The following MYLK variants were observed in gnomAD, a reference collection of about 807,000 sequenced individuals.
MYLK encodes myosin light chain kinase, smooth muscle.
In MYLK, 106 loss-of-function variants were observed where a neutral mutation model predicts 203.4. The ratio of observed to expected loss-of-function variants is 0.52; its 90% CI spans 0.45 to 0.61. The LOEUF (loss-of-function observed/expected upper bound fraction) is 0.61, where lower values mean the gene tolerates loss of function less well. Ranked by LOEUF, MYLK falls within the 20% of genes least tolerant of loss-of-function variation. The pLI is 0.00. For missense variants in MYLK, 2,072 were observed against 2,442.3 expected (o/e 0.85, Z 3.20); for synonymous variants, 867 against 959.5 (o/e 0.90, Z 1.78).
chr3:123,637,993 C>T lies in MYLK; in HGVS notation c.4961+78G>A, dbSNP rs192757168. On this transcript the variant is annotated intron_variant, in intron 29 of 33. Transcript: ENST00000360304. ...TGACAATGGCAGGGCAGCCTGGGGACCCTCCTGTGGAACCCTCAGCCCCCA... is the reference window on the plus strand; with the variant it reads ...TGACAATGGCAGGGCAGCCTGGGGATCCTCCTGTGGAACCCTCAGCCCCCA... 14 of 1,601,284 alleles carry T rather than the reference C, an allele frequency of 8.7e-6. No individual in the cohort carries two copies. The Admixed American group carries it at 2.0e-4, about 23-fold the overall frequency.
At chr3:123,678,884 C>A (rs1206834230) in intron 20 of MYLK, among the ~76,000 whole-genome samples, 4 of 152,036 alleles carry the variant, frequency 2.6e-5, no homozygotes, top group Non-Finnish European at 5.9e-5. Context: ...TGAAAGAGGA[C>A]TTTCATGTTG....
In MYLK at chr3:123,806,950, C is replaced by G. The variant is rs536604846; in HGVS notation, c.-3-13106G>C. 3.3e-5 allele frequency among the ~76,000 whole-genome samples: 5 copies of G among 151,852 alleles called. 1 individual carries two copies. Among genetic ancestry groups the G allele is most frequent in the Non-Finnish European group, 7.4e-5 (5 of 67,972 alleles). ...AAAGTGCTGGGATTACAGGCGTGAACCACCGTGCCTGGCCAACATACTGAG... is the reference window on the plus strand; with the variant it reads ...AAAGTGCTGGGATTACAGGCGTGAAGCACCGTGCCTGGCCAACATACTGAG... On this transcript the variant is annotated intron_variant, in intron 3 of 33. Coordinates refer to ENST00000360304, the MANE Select transcript of MYLK (RefSeq NM_053025.4).
chr3:123,623,494 A>G (rs750375249), intron 31 of MYLK: 1 of 152,210 alleles, frequency 6.6e-6, no homozygotes, highest in Non-Finnish European at 1.5e-5. Flanking sequence ...GAGTAATATG[A>G]TTAGTCATCT....
intron 3 of MYLK, among the ~76,000 whole-genome samples, chr3:123,828,841 T>C (rs1000077174): frequency 2.2e-4 from 34 of 152,248 alleles, no homozygotes; most frequent in African/African-American, 7.9e-4. Flanking sequence ...AACAAATATA[T>C]GGAAAACTGC....
At chr3:123,841,218 T>A (rs1352487133) in intron 2 of MYLK, among the ~76,000 whole-genome samples, 1 of 152,118 alleles carries the variant, frequency 6.6e-6, no homozygotes, top group Admixed American at 6.5e-5. Context: ...AAGGATGCTA[T>A]GAAAGGTCTC....
chr3:123,815,047 C>A (rs2065701831), intron 3 of MYLK, among the ~76,000 whole-genome samples: 1 of 152,190 alleles, frequency 6.6e-6, no homozygotes, highest in African/African-American at 2.4e-5. Context: ...CCCACCTTGG[C>A]CTCCCAAAGC....
Position 123,614,028 on chromosome 3 carries a change from G to GGTT in MYLK, c.*76_*77insAAC, listed in dbSNP as rs879035240. On this transcript the variant is annotated 3_prime_UTR_variant, in exon 34 of 34. Coordinates refer to ENST00000360304, the MANE Select transcript of MYLK (RefSeq NM_053025.4). ...ACACTAGGTGCTTTTACTATCTTGAGTTTTTTTTTTTTTTTTGAGTTTTAG... is the reference window on the plus strand; with the variant it reads ...ACACTAGGTGCTTTTACTATCTTGAGGTTTTTTTTTTTTTTTTTTGAGTTTTAG... 1.4e-5 allele frequency: 18 copies of GGTT among 1,291,924 alleles called. No individual in the cohort carries two copies. The African/African-American group carries it at 1.7e-4, about 12-fold the overall frequency. 80.0% of individuals were successfully genotyped at this position (1,291,924 alleles called of 1,614,324 possible). A position where few individuals can be genotyped will look rare whatever the true frequency, so the allele number is the denominator to read the frequency against.
At chr3:123,841,879 G>C (rs992985253) in intron 2 of MYLK, among the ~76,000 whole-genome samples, 1 of 152,130 alleles carries the variant, frequency 6.6e-6, no homozygotes, top group African/African-American at 2.4e-5. Context: ...ACTAGGAAGA[G>C]ACTAGAGACA....
chr3:123,818,120 G>A (rs1469892467), intron 3 of MYLK, among the ~76,000 whole-genome samples: 1 of 152,124 alleles, frequency 6.6e-6, no homozygotes, highest in Non-Finnish European at 1.5e-5. Context: ...ATGATGTCAG[G>A]GGGCACTGTA....
intron 2 of MYLK, among the ~76,000 whole-genome samples, chr3:123,851,449 A>C (rs1461390748): frequency 2.0e-5 from 3 of 152,134 alleles, no homozygotes; most frequent in Non-Finnish European, 4.4e-5. Context: ...CTCCTTGAAG[A>C]GGTCCTTCAC....
chr3:123,705,930 A>G (rs1193406533), intron 16 of MYLK, among the ~76,000 whole-genome samples: 2 of 152,150 alleles, frequency 1.3e-5, no homozygotes, highest in Non-Finnish European at 2.9e-5. Flanking sequence ...TTTACACATC[A>G]TCGGTTTCCA....
chr3:123,813,048 C>T (rs898614782), intron 3 of MYLK, among the ~76,000 whole-genome samples: 2 of 152,098 alleles, frequency 1.3e-5, no homozygotes, highest in South Asian at 2.1e-4. Flanking sequence ...TTGACAGAGC[C>T]GATAGAAGAA....
At chr3:123,830,007 A>T (rs1300018597) in intron 3 of MYLK, among the ~76,000 whole-genome samples, 2 of 152,106 alleles carry the variant, frequency 1.3e-5, no homozygotes, top group Non-Finnish European at 2.9e-5. Context: ...TCTTTTCCTC[A>T]CTGCAAATGT....
intron 4 of MYLK, among the ~76,000 whole-genome samples, chr3:123,783,681 A>G (rs549053786): frequency 1.3e-5 from 2 of 151,966 alleles, no homozygotes; most frequent in South Asian, 4.1e-4. Context: ...TAAAAGGTGA[A>G]AGTTGAGGGT....
chr3:123,816,724 T>C (rs1293947022), intron 3 of MYLK, among the ~76,000 whole-genome samples: 1 of 152,216 alleles, frequency 6.6e-6, no homozygotes, highest in African/African-American at 2.4e-5. Flanking sequence ...GTTTCTGTAA[T>C]GATGGGCACG....
In MYLK at chr3:123,700,844, C is replaced by T; in HGVS notation, c.2624G>A (p.Arg875Lys). Residue 875 changes from arginine to lysine, a missense_variant, in exon 18 of 34, where the codon AGG becomes AAG. Physicochemically the swap from Arg to Lys is conservative, Grantham distance 26. This residue lies in a region of MYLK where 865 missense variants were observed against 1,016.0 expected (regional missense o/e 0.85). Transcript: ENST00000360304. ...AGTGTGCTGCCTCGTCTCCACGCGC[C>T]TCTTCAGCACCCCTCGCACGTCCTC... ...DGEDVRGVLKRRVETRQHTEE... is the reference protein window; with the variant it reads ...DGEDVRGVLKKRVETRQHTEE... 1 of 1,614,078 alleles carries T rather than the reference C, an allele frequency of 6.2e-7. No homozygotes were observed. The highest frequency in any genetic ancestry group is 1.1e-5 in the South Asian group (1 of 91,086).
rs2682206 is a variant in MYLK, at chr3:123,836,829, G to T, written c.-126-5159C>A. Among the ~76,000 whole-genome samples, 17 of 152,254 alleles carry T rather than the reference G, an allele frequency of 1.1e-4. No individual in the cohort carries two copies. In the Middle Eastern group the frequency reaches 0.01, roughly 91 times the overall value. ...ATAGTAGAGAGGAGTTTGACCACTA[G>T]GTAGAACTCAAAGCATCAGGATGAC... On this transcript the variant is annotated intron_variant, in intron 2 of 33. Coordinates refer to ENST00000360304, the MANE Select transcript of MYLK (RefSeq NM_053025.4).
At chr3:123,781,220 G>A (rs1159727684) in intron 4 of MYLK, among the ~76,000 whole-genome samples, 1 of 152,242 alleles carries the variant, frequency 6.6e-6, no homozygotes, top group Non-Finnish European at 1.5e-5. Context: ...TCTGGCCAGA[G>A]AGGAAGTGCT....
At chr3:123,693,029 C>T (rs1211190431) in intron 18 of MYLK, among the ~76,000 whole-genome samples, 178 bp from the exon 19 acceptor site, 1 of 152,188 alleles carries the variant, frequency 6.6e-6, no homozygotes, top group African/African-American at 2.4e-5. Context: ...TGCTTATAAC[C>T]CATGTCCAAA....
Sources: gnomAD v4.1 joint callset for allele counts (sites outside exome capture counted in the v4.1 genomes callset) on GRCh38, gnomAD v4.1.1 for gene constraint, gnomAD v4.1.1 regional missense constraint, MANE v1.5 for transcripts, NCBI Gene and HGNC (gene_info 2026-07-23, HGNC 2026-07-21) for gene names.